The following LINGO2 variants were observed in gnomAD, a reference collection of about 807,000 sequenced individuals.
LINGO2 encodes the protein leucine rich repeat and Ig domain containing 2.
A neutral mutation model predicts 30.6 loss-of-function variants in LINGO2; 14 were observed. The observed-to-expected ratio is 0.46, with a 90% CI of 0.30 to 0.72. LINGO2 has a LOEUF of 0.72. Among genes scored for constraint, LINGO2 ranks in the 30% least tolerant of loss-of-function variants. The probability of loss-of-function intolerance (pLI) is 0.07; values close to 1 mark genes in which losing one functional copy is unlikely to be tolerated. For missense variants in LINGO2, 729 were observed against 751.7 expected (o/e 0.97, Z 0.35); for synonymous variants, 317 against 288.5 (o/e 1.10, Z -1.00).
the LINGO2 span, among the ~76,000 whole-genome samples, chr9:28,978,222 T>C: frequency 6.6e-6 from 1 of 152,134 alleles, no homozygotes; most frequent in Non-Finnish European, 1.5e-5. Context: ...TTGTCAAATA[T>C]TAGAATGAGT....
chr9:28,498,915 A>G (rs1364629989), intron 1 of LINGO2, among the ~76,000 whole-genome samples: 1 of 152,200 alleles, frequency 6.6e-6, no homozygotes, highest in Non-Finnish European at 1.5e-5. Context: ...TGGTAGCAAT[A>G]AAGGTAAATA....
At position 28,630,436 on chromosome 9, in the gene LINGO2, T is replaced by C. The variant is rs114050778; in HGVS notation, c.-365+39764A>G. On this transcript the variant is annotated intron_variant, in intron 1 of 5. Coordinates refer to ENST00000379992, the Ensembl canonical transcript of LINGO2. The stretch of plus-strand genomic sequence containing the variant: ...AAGAAATTGATCAGTTTAAGAACAA[T>C]TTCACTTTTTGTCACTGTTGAGTTT... 5.0e-3 allele frequency among the ~76,000 whole-genome samples: 758 copies of C among 152,206 alleles called. 10 individuals carry two copies. The highest frequency in any genetic ancestry group is 0.017 in the African/African-American group (717 of 41,534).
chr9:28,346,684 A>C (rs1587506371), intron 3 of LINGO2, among the ~76,000 whole-genome samples: 1 of 152,228 alleles, frequency 6.6e-6, no homozygotes, highest in East Asian at 1.9e-4. Flanking sequence ...TTTTCTCCAC[A>C]ACCTCATCAG....
At chr9:28,268,213 G>A (rs895424389) in intron 4 of LINGO2, among the ~76,000 whole-genome samples, 4 of 151,992 alleles carry the variant, frequency 2.6e-5, no homozygotes, top group Admixed American at 2.0e-4. Flanking sequence ...CCTCTAATGC[G>A]CTGATGAATC....
chr9:28,639,633 G>A (rs2135927324), intron 1 of LINGO2, among the ~76,000 whole-genome samples: 1 of 152,030 alleles, frequency 6.6e-6, no homozygotes, highest in African/African-American at 2.4e-5. Flanking sequence ...TCAGAGACTA[G>A]GATTGCAACC....
At chr9:29,129,236 C>T in the LINGO2 span, among the ~76,000 whole-genome samples, 5 of 151,976 alleles carry the variant, frequency 3.3e-5, no homozygotes, top group Non-Finnish European at 7.4e-5. Flanking sequence ...GTGATGGTCA[C>T]TGGCTATTTA....
intron 1 of LINGO2, among the ~76,000 whole-genome samples, chr9:28,638,487 C>A (rs141109990): frequency 3.2e-4 from 48 of 152,246 alleles, no homozygotes; most frequent in African/African-American, 1.1e-3. Flanking sequence ...ATTATTGCCA[C>A]AATTTCAGAG....
intron 3 of LINGO2, among the ~76,000 whole-genome samples, chr9:28,339,191 C>T (rs1427674675): frequency 7.0e-6 from 1 of 143,370 alleles, no homozygotes; most frequent in African/African-American, 2.4e-5. Context: ...GTTATATTAT[C>T]AATGATCTTA....
At chr9:28,870,231 C>T in the LINGO2 span, among the ~76,000 whole-genome samples, 1 of 152,036 alleles carries the variant, frequency 6.6e-6, no homozygotes, top group Non-Finnish European at 1.5e-5. Flanking sequence ...ATAAAATCCA[C>T]AAAGTTTATT....
At chr9:28,933,726 C>G in the LINGO2 span, among the ~76,000 whole-genome samples, 1 of 152,234 alleles carries the variant, frequency 6.6e-6, no homozygotes, top group Admixed American at 6.5e-5. Context: ...CCATTGTGAC[C>G]TTACACAAAA....
At chr9:28,907,212 C>T in the LINGO2 span, among the ~76,000 whole-genome samples, 1 of 151,666 alleles carries the variant, frequency 6.6e-6, no homozygotes, top group African/African-American at 2.4e-5. Context: ...AGACAAAAGC[C>T]ATAGAAATAG....
At chr9:28,828,239 C>A in the LINGO2 span, among the ~76,000 whole-genome samples, 1 of 151,908 alleles carries the variant, frequency 6.6e-6, no homozygotes, top group Non-Finnish European at 1.5e-5. Context: ...TATCCTTTTT[C>A]ATACCATTTG....
Position 28,174,898 on chromosome 9 carries a change from C to CTGTGTG in LINGO2, c.-87+120304_-87+120309dup, listed in dbSNP as rs66472807. Among the ~76,000 whole-genome samples the CTGTGTG allele has an allele frequency of 6.2e-3, 869 of 141,080 alleles. 9 individuals are homozygous for CTGTGTG. The highest frequency in any genetic ancestry group is 0.018 in the South Asian group (76 of 4,260). The allele number at this position is 141,080 out of a possible 152,430, so 92.6% of individuals were successfully genotyped here. On this transcript the variant is annotated intron_variant, in intron 4 of 5. Coordinates refer to ENST00000379992, the Ensembl canonical transcript of LINGO2. ...AGAGAGAGAAAGAGAATTTGTGTCTCTGTGTGTGTGTGTGTGTGTGTGTGA... is the reference window on the plus strand; with the variant it reads ...AGAGAGAGAAAGAGAATTTGTGTCTCTGTGTGTGTGTGTGTGTGTGTGTGTGTGTGA...
chr9:28,796,763 A>G, the LINGO2 span, among the ~76,000 whole-genome samples: 3 of 152,004 alleles, frequency 2.0e-5, no homozygotes, highest in African/African-American at 7.2e-5. Context: ...ATTATAGATA[A>G]AAGTATTCCC....
chr9:28,359,763 G>C (rs1820368346), intron 3 of LINGO2, among the ~76,000 whole-genome samples: 1 of 152,128 alleles, frequency 6.6e-6, no homozygotes, highest in Non-Finnish European at 1.5e-5. Flanking sequence ...CTTCAGCAGT[G>C]GCTGACTGCT....
chr9:28,944,884 T>C, the LINGO2 span, among the ~76,000 whole-genome samples: 1 of 152,166 alleles, frequency 6.6e-6, no homozygotes, highest in Non-Finnish European at 1.5e-5. Context: ...AAACCTGTTT[T>C]TCAGAAAATA....
At chr9:28,032,607 C>G (rs762314105) in intron 4 of LINGO2, among the ~76,000 whole-genome samples, 1 of 152,192 alleles carries the variant, frequency 6.6e-6, no homozygotes, top group African/African-American at 2.4e-5. Flanking sequence ...TTTTTAGTCC[C>G]TTTTACAGAT....
At chr9:28,908,295 T>C in the LINGO2 span, among the ~76,000 whole-genome samples, 1 of 148,028 alleles carries the variant, frequency 6.8e-6, no homozygotes, top group African/African-American at 2.5e-5. Flanking sequence ...ATGGAGCAGA[T>C]ATCTGGTGAC....
At chr9:29,005,545 G>A in the LINGO2 span, among the ~76,000 whole-genome samples, 2 of 151,900 alleles carry the variant, frequency 1.3e-5, no homozygotes, top group Non-Finnish European at 2.9e-5. Flanking sequence ...AATACCGAAT[G>A]TACCCACAAA....
Sources: gnomAD v4.1 joint callset for allele counts (sites outside exome capture counted in the v4.1 genomes callset) on GRCh38, gnomAD v4.1.1 for gene constraint, MANE v1.5 for transcripts, NCBI Gene and HGNC (gene_info 2026-07-23, HGNC 2026-07-21) for gene names.